The following TTN variants were observed in gnomAD, a reference collection of about 807,000 sequenced individuals.
TTN encodes connectin.
TTN carries 1,525 observed loss-of-function variants against 3,223.0 expected under a neutral mutation model. That is an observed-to-expected ratio of 0.47 (90% CI 0.45 to 0.49). The LOEUF (loss-of-function observed/expected upper bound fraction) is 0.49, where lower values mean the gene tolerates loss of function less well. TTN is among the 20% of genes least tolerant of loss of function. TTN has a pLI of 0.00. For synonymous variants in TTN, 14,094 were observed against 15,161.0 expected, an observed-to-expected ratio of 0.93 and a Z score of 5.17; for missense variants, 40,786 against 43,424.0, an observed-to-expected ratio of 0.94 and a Z score of 5.40.
Position 178,595,701 on chromosome 2 carries a change from T to A in TTN, c.57653A>T (p.Asn19218Ile), listed in dbSNP as rs1270810724. 6.2e-7 allele frequency: 1 copy of A among 1,608,886 alleles called. No individual in the cohort carries two copies. The highest frequency in any genetic ancestry group is 2.3e-5 in the East Asian group (1 of 44,436). The change falls in exon 295 of 363, where the codon AAT becomes ATT. Residue 19218 changes from asparagine (N) to isoleucine (I), a missense_variant. By Grantham distance (149) the Asn-to-Ile change is moderately radical. Transcript: ENST00000589042. ...AGATTCACGCTTTTCAATGACATAA[T>A]TGGTGATTGGAGAGCCTCCATCATC... ...PEDDGGSPIT[N>I]YVIEKRESDR...
intron 295 of TTN, among the ~76,000 whole-genome samples, chr2:178,595,279 C>G (rs1294037968): frequency 7.3e-6 from 1 of 137,876 alleles, no homozygotes; most frequent in Non-Finnish European, 1.6e-5. Context: ...AAAACAAAAC[C>G]AAAAAGAAAA....
In TTN at chr2:178,779,379, A is replaced by C. The variant is rs773274762; in HGVS notation, c.3813T>G (p.Leu1271=). 1.2e-6 allele frequency: 2 copies of C among 1,605,442 alleles called. No homozygotes were observed. The highest frequency in any genetic ancestry group is 2.2e-5 in the South Asian group (2 of 90,838). Residue 1271 remains leucine, a synonymous_variant, in exon 23 of 363, where the codon CTT becomes CTG. Transcript: ENST00000589042. ...RIIKTTLEEL[L]EEDGEEKMAV... is the part of the protein sequence containing the mutation. ...CCATCTTTTCTTCTCCATCTTCTTC[A>C]AGAAGTTCTTCTAATGTAGTCTTTA...
chr2:178,548,901 C>T lies in TTN; in HGVS notation c.92725G>A (p.Glu30909Lys). Residue 30909 changes from glutamate to lysine, a missense_variant, in exon 339 of 363, where the codon GAA becomes AAA. By Grantham distance (56) the Glu-to-Lys change is moderately conservative. Transcript: ENST00000589042. The surrounding 1 kb of genome is among the most constrained non-coding windows in gnomAD (Gnocchi z 4.3). Reference protein sequence around the residue: ...INGAGKGDSCEVTGTIKAVDR... With the variant: ...INGAGKGDSCKVTGTIKAVDR... The stretch of plus-strand genomic sequence containing the variant: ...ACTGCTTTAATTGTGCCAGTCACTT[C>T]ACAGCTGTCGCCTTTTCCAGCACCA... The T allele has an allele frequency of 6.2e-7, 1 of 1,613,882 alleles. No individual in the cohort carries two copies.
intron 112 of TTN, 103 bp from the exon 113 acceptor site, chr2:178,697,271 G>C (rs2073908011): frequency 2.2e-6 from 2 of 926,878 alleles, no homozygotes; most frequent in Non-Finnish European, 3.1e-6. Flanking sequence ...TAGGAGCTAT[G>C]ACTACTACTC....
Position 178,632,946 on chromosome 2 carries a change from G to T in TTN, c.43185C>A (p.Ala14395=), listed in dbSNP as rs1057519234. The change falls in exon 234 of 363, where the codon GCC becomes GCA. Residue 14395 remains alanine, a synonymous_variant. Transcript: ENST00000589042. The part of the protein sequence containing the change: ...TGEVSFQAAN[A]KSAANLKVKE... Reference sequence around the variant, plus strand: ...TCACTTTCAGATTGGCTGCAGATTTGGCATTAGCAGCCTGGAAGGAAACCT... The same window carrying T: ...TCACTTTCAGATTGGCTGCAGATTTTGCATTAGCAGCCTGGAAGGAAACCT... 2 of 1,612,892 alleles carry T rather than the reference G, an allele frequency of 1.2e-6. No homozygotes were observed. The highest frequency in any genetic ancestry group is 1.1e-5 in the South Asian group (1 of 90,984).
Position 178,774,960 on chromosome 2 carries a change from C to G in TTN, c.6751G>C (p.Asp2251His), listed in dbSNP as rs942953757. Residue 2251 changes from aspartate to histidine, a missense_variant, in exon 29 of 363, where the codon GAT (aspartate) becomes CAT (histidine). By Grantham distance (81) the Asp-to-His change is moderately conservative. Transcript: ENST00000589042. The stretch of plus-strand genomic sequence containing the variant: ...TTAGCAGTCGTTTTGACATTTTCAT[C>G]TTCCACAAGTACACAGCTGTAATCT... ...AEDYSCVLVE[D>H]ENVKTTAKLI... 4 of 1,613,496 alleles carry G rather than the reference C, an allele frequency of 2.5e-6. No homozygotes were observed. Among genetic ancestry groups the G allele is most frequent in the Non-Finnish European group, 3.4e-6 (4 of 1,179,744 alleles).
Position 178,601,542 on chromosome 2 carries a change from A to G in TTN, c.55455T>C (p.Asp18485=). 1 of 1,612,164 alleles carries G rather than the reference A, an allele frequency of 6.2e-7. No homozygotes were observed. The highest frequency in any genetic ancestry group is 8.5e-7 in the Non-Finnish European group (1 of 1,178,758). Reference sequence around the variant, plus strand: ...CCCTTGTGATATCACTGACTTTCAGATCTTTGGGTGGGCCTGGTACATCTG... The same window carrying G: ...CCCTTGTGATATCACTGACTTTCAGGTCTTTGGGTGGGCCTGGTACATCTG... ...KVMDVPGPPK[D]LKVSDITRGS... The change falls in exon 287 of 363, where the codon GAT becomes GAC. Residue 18485 remains aspartate, a synonymous_variant. Coordinates refer to ENST00000589042, the MANE Select transcript of TTN (RefSeq NM_001267550.2).
intron 141 of TTN, 33 bp from the exon 142 acceptor site, chr2:178,679,449 C>T (rs1426080765): frequency 6.2e-7 from 1 of 1,606,552 alleles, no homozygotes; most frequent in African/African-American, 1.3e-5. Flanking sequence ...TAAGTTCTAA[C>T]TACTAGTAAC....
chr2:178,569,125 G>T lies in TTN; in HGVS notation c.77007C>A (p.Cys25669Ter). The T allele has an allele frequency of 1.2e-6, 2 of 1,613,486 alleles. No individual in the cohort carries two copies. Among genetic ancestry groups the T allele is most frequent in the East Asian group, 2.2e-5 (1 of 44,842 alleles). Residue 25669 changes from cysteine (C) to a stop codon, truncating the protein, a stop_gained, in exon 326 of 363, where the codon TGC (cysteine) becomes TGA (stop). Coordinates refer to ENST00000589042, the MANE Select transcript of TTN (RefSeq NM_001267550.2). LOFTEE classifies it high-confidence loss of function. ...SWKIDQLQEG[C>*]SYYFRVTAEN... ...CAGCTGTGACTCTAAAGTAATAACT[G>T]CAACCTTCTTGGAGCTGATCGATTT...
At position 178,715,239 on chromosome 2, in the gene TTN, A is replaced by T; in HGVS notation, c.25947T>A (p.Pro8649=). The change falls in exon 90 of 363, where the codon CCT becomes CCA. Residue 8649 remains proline (P), a synonymous_variant. Transcript: ENST00000589042. ...CTCCTTTCAGTGTCTCTATAGGATGAGGCTTTTTGCGGAAAATGGGTGGTT... is the reference window on the plus strand; with the variant it reads ...CTCCTTTCAGTGTCTCTATAGGATGTGGCTTTTTGCGGAAAATGGGTGGTT... ...VKEPPIFRKK[P]HPIETLKGAD... 2 of 1,606,428 alleles carry T rather than the reference A, an allele frequency of 1.2e-6. No individual in the cohort carries two copies. Among genetic ancestry groups the T allele is most frequent in the Non-Finnish European group, 1.7e-6 (2 of 1,176,670 alleles).
At position 178,604,776 on chromosome 2, in the gene TTN, G is replaced by C; in HGVS notation, c.54313C>G (p.Arg18105Gly). The stretch of plus-strand genomic sequence containing the variant: ...TCTGCTTTCTTCCTACTTGCATCAC[G>C]TTTGTCAATAACATAATGGGTGATT... ...SEITHYVIDK[R>G]DASRKKAEWE... Residue 18105 changes from arginine (R) to glycine (G), a missense_variant, in exon 281 of 363, where the codon CGT becomes GGT. Arg to Gly is a moderately radical substitution (Grantham distance 125). Coordinates refer to ENST00000589042, the MANE Select transcript of TTN (RefSeq NM_001267550.2). 1 of 1,612,078 alleles carries C rather than the reference G, an allele frequency of 6.2e-7. No individual in the cohort carries two copies. The highest frequency in any genetic ancestry group is 8.5e-7 in the Non-Finnish European group (1 of 1,178,894).
rs763596594 is a variant in TTN at position 178,719,763 on chromosome 2, C to A, written c.23729G>T (p.Cys7910Phe). Residue 7910 changes from cysteine (C) to phenylalanine (F), a missense_variant, in exon 82 of 363, where the codon TGT becomes TTT. Transcript: ENST00000589042. The part of the protein sequence containing the change: ...VTTGNPFALE[C>F]VVTGTPELSA... ...GAGTTCTGGTGTTCCAGTCACTACA[C>A]ACTCTAATGCAAAAGGATTTCCAGT... 1.2e-6 allele frequency: 2 copies of A among 1,613,616 alleles called. No homozygotes were observed. Among genetic ancestry groups the A allele is most frequent in the South Asian group, 2.2e-5 (2 of 91,068 alleles).
At position 178,766,494 on chromosome 2, in the gene TTN, A is replaced by G; in HGVS notation, c.9590T>C (p.Val3197Ala). The G allele has an allele frequency of 6.2e-7, 1 of 1,614,074 alleles. No individual in the cohort carries two copies. The highest frequency in any genetic ancestry group is 8.5e-7 in the Non-Finnish European group (1 of 1,179,962). ...NFQVQERHKY[V>A]VERRIHRMFI... ...CATTCGGTGGATTCTTCTTTCCACT[A>G]CATATTTGTGTCGTTCTTGAACTTG... Residue 3197 changes from valine (V) to alanine (A), a missense_variant, in exon 41 of 363, where the codon GTA (valine) becomes GCA (alanine). Physicochemically the swap from Val to Ala is moderately conservative, Grantham distance 64. Transcript: ENST00000589042.
intron 81 of TTN, 58 bp downstream of exon 81, chr2:178,719,925 G>A: frequency 6.5e-7 from 1 of 1,542,410 alleles, no homozygotes; most frequent in Non-Finnish European, 8.7e-7. Flanking sequence ...AATATTTGAG[G>A]AAAATGATCA....
In TTN at chr2:178,725,979, T is replaced by C; in HGVS notation, c.20343A>G (p.Glu6781=). 1 of 1,609,472 alleles carries C rather than the reference T, an allele frequency of 6.2e-7. No homozygotes were observed. The highest frequency in any genetic ancestry group is 1.1e-5 in the South Asian group (1 of 90,322). The change falls in exon 70 of 363, where the codon GAA becomes GAG. Residue 6781 remains glutamate, a synonymous_variant. Transcript: ENST00000589042. ...ETLKNAEVSL[E]CELSGTPPFE... Reference sequence around the variant, plus strand: ...ACGGTGGTGTTCCCGAAAGTTCACATTCAAGACTGACTTCAGCATTTTTAA... The same window carrying C: ...ACGGTGGTGTTCCCGAAAGTTCACACTCAAGACTGACTTCAGCATTTTTAA...
At chr2:178,540,797 A>G (rs1694070319) in intron 350 of TTN, among the ~76,000 whole-genome samples, 1 of 152,194 alleles carries the variant, frequency 6.6e-6, no homozygotes, top group African/African-American at 2.4e-5. Flanking sequence ...CTCTGTCTCA[A>G]AAAAACACAA....
intron 163 of TTN, 107 bp from the exon 164 acceptor site, chr2:178,665,898 C>G: frequency 2.1e-6 from 1 of 476,346 alleles, no homozygotes; most frequent in East Asian, 3.5e-5. Context: ...TCTCCCACTC[C>G]CCGCCCCCAG....
chr2:178,614,724 G>C lies in TTN; in HGVS notation c.48790C>G (p.Leu16264Val), dbSNP rs1243976427. 3.1e-6 allele frequency: 5 copies of C among 1,609,768 alleles called. No homozygotes were observed. In the Admixed American group the frequency reaches 8.4e-5, roughly 27 times the overall value. The stretch of plus-strand genomic sequence containing the variant: ...GCTTTTACAGTGAGACCAGCAAGGA[G>C]CTTCACATCGAGGAAGATTTCTGGG... ...EAPEIFLDVKLLAGLTVKAGT... is the reference protein window; with the variant it reads ...EAPEIFLDVKVLAGLTVKAGT... The change falls in exon 261 of 363, where the codon CTC becomes GTC. Residue 16264 changes from leucine (L) to valine (V), a missense_variant. Coordinates refer to ENST00000589042, the MANE Select transcript of TTN (RefSeq NM_001267550.2).
Position 178,799,921 on chromosome 2 carries a change from G to C in TTN, c.584-11C>G. 1 of 1,613,758 alleles carries C rather than the reference G, an allele frequency of 6.2e-7. No individual in the cohort carries two copies. Among genetic ancestry groups the C allele is most frequent in the Non-Finnish European group, 8.5e-7 (1 of 1,179,700 alleles). On this transcript the variant is annotated splice_polypyrimidine_tract_variant and intron_variant, in intron 4 of 362. Coordinates refer to ENST00000589042, the MANE Select transcript of TTN (RefSeq NM_001267550.2). ...GTACTTCTTCTTCACCTGTGGGAAGGGAAAGATGAATGTTTGGGAGGGGGC... is the reference window on the plus strand; with the variant it reads ...GTACTTCTTCTTCACCTGTGGGAAGCGAAAGATGAATGTTTGGGAGGGGGC...
Sources: gnomAD v4.1 joint callset for allele counts (sites outside exome capture counted in the v4.1 genomes callset) on GRCh38, gnomAD v4.1.1 for gene constraint, Gnocchi (gnomAD v3.1) non-coding constraint, MANE v1.5 for transcripts, NCBI Gene and HGNC (gene_info 2026-07-23, HGNC 2026-07-21) for gene names.